Variants in FAM219A observed in about 807,000 individuals in gnomAD.
The protein encoded by FAM219A is protein FAM219A.
FAM219A carries 7 observed loss-of-function variants against 23.4 expected under a neutral mutation model. The ratio of observed to expected loss-of-function variants is 0.30; its 90% CI spans 0.17 to 0.56. FAM219A has a LOEUF of 0.56. Ranked by LOEUF, FAM219A falls within the 20% of genes least tolerant of loss-of-function variation. The pLI, the probability that FAM219A is intolerant of heterozygous loss-of-function variation, is 0.92. For missense variants in FAM219A, 166 were observed against 246.9 expected, an observed-to-expected ratio of 0.67 and a Z score of 2.20; for synonymous variants, 93 against 99.0, an observed-to-expected ratio of 0.94 and a Z score of 0.36.
At chr9:34,455,588 T>C (rs1303498080) in intron 1 of FAM219A, among the ~76,000 whole-genome samples, 1 of 151,508 alleles carries the variant, frequency 6.6e-6, no homozygotes, top group Non-Finnish European at 1.5e-5. Flanking sequence ...TGCCTCGGCC[T>C]CCTGAGTAGC....
At position 34,437,100 on chromosome 9, in the gene FAM219A, T is replaced by C. The variant is rs139350591; in HGVS notation, c.60+21104A>G. 2.1e-3 allele frequency among the ~76,000 whole-genome samples: 325 copies of C among 152,314 alleles called. 1 individual carries two copies. Among genetic ancestry groups the C allele is most frequent in the African/African-American group, 7.3e-3 (305 of 41,566 alleles). ...CAAGAGGCGTTGCCCTCTTAATGGG[T>C]TTGCACTTCCCAGGAAAGCCTTGAA... On this transcript the variant is annotated intron_variant, in intron 1 of 5. Transcript: ENST00000651358.
At chr9:34,412,671 A>G (rs1364667626) in intron 1 of FAM219A, among the ~76,000 whole-genome samples, 1 of 152,104 alleles carries the variant, frequency 6.6e-6, no homozygotes, top group Admixed American at 6.6e-5. Context: ...GAGGAAGGAG[A>G]CTGGGTAGGA....
intron 4 of FAM219A, 34 bp from the exon 5 acceptor site, chr9:34,401,754 C>G (rs772001290): frequency 5.0e-6 from 8 of 1,593,394 alleles, no homozygotes; most frequent in African/African-American, 1.3e-5. Flanking sequence ...AAAGTGATAC[C>G]AAGAAATTAC....
At chr9:34,418,102 G>A (rs1418956690) in intron 1 of FAM219A, among the ~76,000 whole-genome samples, 1 of 151,928 alleles carries the variant, frequency 6.6e-6, no homozygotes, top group Non-Finnish European at 1.5e-5. Context: ...TAGGGCAGCA[G>A]CTCCTATTAC....
At chr9:34,414,816 C>G (rs1821940993) in intron 1 of FAM219A, among the ~76,000 whole-genome samples, 1 of 152,250 alleles carries the variant, frequency 6.6e-6, no homozygotes, top group Non-Finnish European at 1.5e-5. Context: ...AAGTTTTTCT[C>G]TAAAAGAAGA....
At chr9:34,431,815 C>T (rs1024750137) in intron 1 of FAM219A, among the ~76,000 whole-genome samples, 9 of 152,212 alleles carry the variant, frequency 5.9e-5, no homozygotes, top group Non-Finnish European at 8.8e-5. Context: ...AAACTTACTC[C>T]TACTATCTAG....
chr9:34,431,319 C>T (rs151297318), intron 1 of FAM219A, among the ~76,000 whole-genome samples: 143 of 152,284 alleles, frequency 9.4e-4, no homozygotes, highest in Non-Finnish European at 1.6e-3. Context: ...AATCAACAGA[C>T]AGCTCATCAG....
At chr9:34,416,199 G>GAAAT in intron 1 of FAM219A, among the ~76,000 whole-genome samples, 1 of 63,786 alleles carries the variant, frequency 1.6e-5, no homozygotes, top group Non-Finnish European at 3.1e-5. Flanking sequence ...AAGAAAGAAA[G>GAAAT]AAAGAAAGAA....
intron 1 of FAM219A, among the ~76,000 whole-genome samples, chr9:34,412,883 A>G (rs1181839892): frequency 1.3e-5 from 2 of 152,200 alleles, no homozygotes; most frequent in Admixed American, 6.5e-5. Flanking sequence ...AGGAGAGAAT[A>G]GGAGATGAAG....
rs1294093073 is a variant in FAM219A at position 34,457,698 on chromosome 9, C to T, written c.60+506G>A. On this transcript the variant is annotated intron_variant, in intron 1 of 5. Transcript: ENST00000651358. The surrounding 1 kb of genome is among the most constrained non-coding windows in gnomAD (Gnocchi z 5.1). ...CCAACCACCTTCCCCCACTGGGTCC[C>T]TCGCCCCGGCCCAGCGTTCCTGTCC... Among the ~76,000 whole-genome samples the T allele has an allele frequency of 6.6e-6, 1 of 152,194 alleles. No homozygotes were observed. The highest frequency in any genetic ancestry group is 1.5e-5 in the Non-Finnish European group (1 of 68,026).
chr9:34,401,514 T>C (rs1821429155), intron 5 of FAM219A, 152 bp downstream of exon 5: 2 of 837,746 alleles, frequency 2.4e-6, no homozygotes, highest in East Asian at 5.4e-5. Flanking sequence ...CCACTTCTCT[T>C]CCATCCTATC....
Position 34,442,049 on chromosome 9 carries a change from A to C in FAM219A, c.60+16155T>G, listed in dbSNP as rs531215751. ...ATAGTGGAGAGATCAGGCTAACTAC[A>C]CCACAAAAAATAGGATAAACATATG... On this transcript the variant is annotated intron_variant, in intron 1 of 5. Transcript: ENST00000651358. 7.2e-5 allele frequency among the ~76,000 whole-genome samples: 11 copies of C among 152,334 alleles called. No individual in the cohort carries two copies. The East Asian group carries it at 2.1e-3, about 29-fold the overall frequency.
intron 1 of FAM219A, among the ~76,000 whole-genome samples, chr9:34,413,353 A>G (rs1588039188): frequency 6.6e-6 from 1 of 152,202 alleles, no homozygotes; most frequent in African/African-American, 2.4e-5. Context: ...AGGAGATCAG[A>G]CTGGCTGGGC....
chr9:34,399,215 C>T lies in FAM219A; in HGVS notation c.*1749G>A, dbSNP rs894452821. 1 of 152,154 alleles carries T rather than the reference C, an allele frequency of 6.6e-6. No homozygotes were observed. The highest frequency in any genetic ancestry group is 1.5e-5 in the Non-Finnish European group (1 of 68,072). 9.4% of individuals were successfully genotyped at this position (152,154 alleles called of 1,614,324 possible). On this transcript the variant is annotated 3_prime_UTR_variant, in exon 6 of 6. Transcript: ENST00000651358. ...ATGTGGGGTGTTAGCATGAGATGAT[C>T]CACCTGGGCCTGTGCTATAAGGTAT...
chr9:34,438,131 G>A (rs1292768721), intron 1 of FAM219A, among the ~76,000 whole-genome samples: 1 of 152,236 alleles, frequency 6.6e-6, no homozygotes, highest in East Asian at 1.9e-4. Context: ...CGCTGTGCTC[G>A]ATTTCTCACC....
At chr9:34,403,365 C>G (rs148242986) in intron 2 of FAM219A, among the ~76,000 whole-genome samples, 1 of 152,336 alleles carries the variant, frequency 6.6e-6, no homozygotes, top group African/African-American at 2.4e-5. Flanking sequence ...CGAAGACCCT[C>G]TCTGGTTACA....
intron 1 of FAM219A, among the ~76,000 whole-genome samples, chr9:34,448,067 C>T (rs1009880971): frequency 2.4e-4 from 37 of 151,672 alleles, no homozygotes; most frequent in African/African-American, 9.0e-4. Flanking sequence ...GACAGGGTCT[C>T]ACTATGTTGC....
At chr9:34,446,151 C>T (rs1407455742) in intron 1 of FAM219A, among the ~76,000 whole-genome samples, 6 of 134,244 alleles carry the variant, frequency 4.5e-5, no homozygotes, top group African/African-American at 1.2e-4. Flanking sequence ...CCAGCCTGGG[C>T]AACAGAGCGA....
rs527767120 is a variant in FAM219A at position 34,406,895 on chromosome 9, C to T, written c.61-931G>A. On this transcript the variant is annotated intron_variant, in intron 1 of 5. Transcript: ENST00000651358. ...TTGGCTTACTGCAACCTCCGCCTCC[C>T]GGTTTCAAGCAATTCTCCTGCCTCA... 5.0e-4 allele frequency among the ~76,000 whole-genome samples: 76 copies of T among 151,792 alleles called. 2 individuals are homozygous for T. The South Asian group carries it at 0.015, about 30-fold the overall frequency.
Sources: allele counts gnomAD v4.1 joint callset (sites outside exome capture counted in the v4.1 genomes callset), GRCh38; gene constraint gnomAD v4.1.1; non-coding constraint Gnocchi (gnomAD v3.1); transcripts MANE v1.5; gene names NCBI Gene and HGNC (gene_info 2026-07-23, HGNC 2026-07-21).